Variants in TGFA observed in about 807,000 individuals in gnomAD.
The protein encoded by TGFA is transforming growth factor alpha.
TGFA carries 12 observed loss-of-function variants against 21.7 expected under a neutral mutation model. The observed-to-expected ratio is 0.55, with a 90% CI of 0.35 to 0.90. The LOEUF is 0.90. Among genes scored for constraint, TGFA ranks in the 40% least tolerant of loss-of-function variants. TGFA has a pLI of 0.01. For synonymous variants in TGFA, 79 were observed against 88.1 expected, an observed-to-expected ratio of 0.90 and a Z score of 0.58; for missense variants, 178 against 210.8, an observed-to-expected ratio of 0.84 and a Z score of 0.96.
intron 1 of TGFA, among the ~76,000 whole-genome samples, chr2:70,541,756 A>T (rs1673136998): frequency 6.6e-6 from 1 of 152,164 alleles, no homozygotes; most frequent in Admixed American, 6.5e-5. Flanking sequence ...AGGATTCTCC[A>T]TCTGTGTGAT....
At chr2:70,539,081 T>C (rs1352254571) in intron 1 of TGFA, among the ~76,000 whole-genome samples, 3 of 152,234 alleles carry the variant, frequency 2.0e-5, no homozygotes, top group Non-Finnish European at 4.4e-5. Flanking sequence ...TAGATAATTG[T>C]TAGCATTTTA....
rs1369345716 is a variant in TGFA at position 70,449,403 on chromosome 2, A to T, written c.*1456T>A. 1.9e-5 allele frequency: 3 copies of T among 153,882 alleles called. No individual in the cohort carries two copies. Among genetic ancestry groups the T allele is most frequent in the African/African-American group, 7.2e-5 (3 of 41,496 alleles). The allele number at this position is 153,882 out of a possible 1,614,324, so 9.5% of individuals were successfully genotyped here. On this transcript the variant is annotated 3_prime_UTR_variant, in exon 6 of 6. Transcript: ENST00000295400. Reference sequence around the variant, plus strand: ...ATTTCCTCACATAAGGAGTTTATATATTATTTCTTCATTACTCTGTTTCCA... The same window carrying T: ...ATTTCCTCACATAAGGAGTTTATATTTTATTTCTTCATTACTCTGTTTCCA...
intron 3 of TGFA, among the ~76,000 whole-genome samples, chr2:70,460,812 T>C (rs1670384692): frequency 6.6e-6 from 1 of 152,196 alleles, no homozygotes; most frequent in Non-Finnish European, 1.5e-5. Flanking sequence ...GCTCATATGC[T>C]GTGCTGGGAA....
In TGFA at chr2:70,499,881, G is replaced by T. The variant is rs77906326; in HGVS notation, c.94+14978C>A. On this transcript the variant is annotated intron_variant, in intron 2 of 5. Coordinates refer to ENST00000295400, the MANE Select transcript of TGFA (RefSeq NM_003236.4). ...GGATGTGAGTGAAAACAAATGTGTC[G>T]CAAGGTTCTAAAACTGTGAAATAAA... Among the ~76,000 whole-genome samples, 575 of 152,256 alleles carry T rather than the reference G, an allele frequency of 3.8e-3. 5 individuals are homozygous for T. Among genetic ancestry groups the T allele is most frequent in the African/African-American group, 0.013 (560 of 41,550 alleles).
intron 5 of TGFA, among the ~76,000 whole-genome samples, chr2:70,452,958 A>G (rs1448807693): frequency 6.6e-6 from 1 of 152,100 alleles, no homozygotes; most frequent in African/African-American, 2.4e-5. Flanking sequence ...ACAAAACAAA[A>G]CAACAAAACA....
At chr2:70,458,043 A>G (rs1670292021) in intron 3 of TGFA, among the ~76,000 whole-genome samples, 1 of 152,232 alleles carries the variant, frequency 6.6e-6, no homozygotes, top group Non-Finnish European at 1.5e-5. Context: ...AGGGGATCAC[A>G]GAACTCTGAA....
rs1276696823 is a variant in TGFA at position 70,465,610 on chromosome 2, A to G, written c.215+6T>C. 1.2e-6 allele frequency: 2 copies of G among 1,614,150 alleles called. No homozygotes were observed. The highest frequency in any genetic ancestry group is 1.7e-6 in the Non-Finnish European group (2 of 1,179,990). On this transcript the variant is annotated splice_donor_region_variant and intron_variant, in intron 3 of 5. Transcript: ENST00000295400. The stretch of plus-strand genomic sequence containing the variant: ...CCAGATCTCCAGGAGAACAGGGGAT[A>G]CTTACACACATGCTGGCTTGTCCTC...
intron 2 of TGFA, among the ~76,000 whole-genome samples, chr2:70,512,240 G>A (rs1178589262): frequency 6.6e-6 from 1 of 152,082 alleles, no homozygotes; most frequent in Non-Finnish European, 1.5e-5. Context: ...CATGGGGCAG[G>A]GCCAAGAGTA....
chr2:70,463,012 T>G (rs2103689583), intron 3 of TGFA, among the ~76,000 whole-genome samples: 1 of 151,914 alleles, frequency 6.6e-6, no homozygotes, highest in Non-Finnish European at 1.5e-5. Flanking sequence ...GCTGAGTGGT[T>G]TGAGGTGAAT....
chr2:70,473,729 T>C (rs1381267497), intron 2 of TGFA, among the ~76,000 whole-genome samples: 1 of 152,134 alleles, frequency 6.6e-6, no homozygotes, highest in Non-Finnish European at 1.5e-5. Flanking sequence ...ATTATGCAAC[T>C]CATTCATTAT....
intron 4 of TGFA, among the ~76,000 whole-genome samples, chr2:70,455,839 A>G (rs1462871617): frequency 1.3e-5 from 2 of 152,128 alleles, no homozygotes; most frequent in Non-Finnish European, 2.9e-5. Flanking sequence ...ACAGCAACTG[A>G]GTTTTGGAGG....
intron 2 of TGFA, among the ~76,000 whole-genome samples, chr2:70,493,115 G>T (rs1671483076): frequency 6.6e-6 from 1 of 152,144 alleles, no homozygotes; most frequent in Admixed American, 6.5e-5. Flanking sequence ...ATAGATGAAA[G>T]AATGTACATG....
intron 5 of TGFA, 45 bp downstream of exon 5, chr2:70,453,173 T>C: frequency 6.4e-7 from 1 of 1,555,320 alleles, no homozygotes. Flanking sequence ...AGGTGGTCGT[T>C]TTCTCCACCC....
At chr2:70,508,772 G>GA (rs1169929566) in intron 2 of TGFA, among the ~76,000 whole-genome samples, 1 of 152,160 alleles carries the variant, frequency 6.6e-6, no homozygotes, top group East Asian at 1.9e-4. Context: ...AACTCAGTTT[G>GA]AAAAGACATT....
chr2:70,458,945 A>G (rs1553491042), intron 3 of TGFA, among the ~76,000 whole-genome samples: 1 of 152,206 alleles, frequency 6.6e-6, no homozygotes, highest in Non-Finnish European at 1.5e-5. Context: ...GGAATGGATT[A>G]TCAGATTTGT....
chr2:70,506,847 A>G (rs1671941505), intron 2 of TGFA, among the ~76,000 whole-genome samples: 1 of 152,218 alleles, frequency 6.6e-6, no homozygotes, highest in Non-Finnish European at 1.5e-5. Flanking sequence ...GAGTCTTCAC[A>G]TTTGAGAGAC....
chr2:70,538,173 AG>A (rs550931884), intron 1 of TGFA, among the ~76,000 whole-genome samples: 156 of 152,332 alleles, frequency 1.0e-3, no homozygotes, highest in South Asian at 1.7e-3. Flanking sequence ...TCTACTGCTC[AG>A]AAAAAAAAAG....
intron 1 of TGFA, among the ~76,000 whole-genome samples, chr2:70,536,092 G>C (rs1479788759): frequency 6.6e-6 from 1 of 152,232 alleles, no homozygotes; most frequent in African/African-American, 2.4e-5. Context: ...TACTGAGGGA[G>C]ACTATGTCAA....
At chr2:70,553,263 A>G (rs1553507111) in intron 1 of TGFA, 35 of 1,535,842 alleles carry the variant, frequency 2.3e-5, no homozygotes, top group Non-Finnish European at 3.0e-5. Context: ...GCTGGGGCTT[A>G]GAGGTGGGCA....
Sources: gnomAD v4.1 joint callset for allele counts (sites outside exome capture counted in the v4.1 genomes callset) on GRCh38, gnomAD v4.1.1 for gene constraint, MANE v1.5 for transcripts, NCBI Gene and HGNC (gene_info 2026-07-23, HGNC 2026-07-21) for gene names.